Variants in PCDH10 observed in about 807,000 individuals in gnomAD.
The protein encoded by PCDH10 is protocadherin 10.
In PCDH10, 15 loss-of-function variants were observed where a neutral mutation model predicts 74.4. The observed-to-expected ratio is 0.20, with a 90% CI of 0.13 to 0.31. PCDH10 has a LOEUF of 0.31. PCDH10 is among the 10% of genes least tolerant of loss of function. The pLI is 1.00. For synonymous variants in PCDH10, 619 were observed against 589.8 expected, an observed-to-expected ratio of 1.05 and a Z score of -0.72; for missense variants, 1,260 against 1,390.2, an observed-to-expected ratio of 0.91 and a Z score of 1.49.
chr4:133,157,301 A>G (rs1296146985), intron 3 of PCDH10, among the ~76,000 whole-genome samples: 10 of 152,184 alleles, frequency 6.6e-5, no homozygotes, highest in Admixed American at 6.5e-4. Flanking sequence ...AAAACCTCAA[A>G]TGCAGAGAAT....
downstream of PCDH10, among the ~76,000 whole-genome samples, chr4:133,198,047 T>C (rs1727828724): frequency 6.6e-6 from 1 of 150,590 alleles, no homozygotes; most frequent in Non-Finnish European, 1.5e-5. Context: ...AAAGAATACA[T>C]GAAAATAAAA....
At chr4:133,167,898 A>C (rs781098629) in intron 4 of PCDH10, among the ~76,000 whole-genome samples, 3 of 151,442 alleles carry the variant, frequency 2.0e-5, no homozygotes, top group Admixed American at 6.6e-5. Flanking sequence ...AACTCCATGA[A>C]TAGGAAACAA....
intron 3 of PCDH10, among the ~76,000 whole-genome samples, chr4:133,156,495 G>A (rs1266636700): frequency 6.6e-6 from 1 of 152,178 alleles, no homozygotes; most frequent in Admixed American, 6.5e-5. Context: ...GTTTATATGT[G>A]CGTACAAAGT....
In PCDH10 at chr4:133,178,807, CAATT is replaced by C. The variant is rs147071234; in HGVS notation, c.3104-11332_3104-11329del. Among the ~76,000 whole-genome samples, 473 of 152,138 alleles carry C rather than the reference CAATT, an allele frequency of 3.1e-3. 1 individual carries two copies. Among genetic ancestry groups the C allele is most frequent in the African/African-American group, 0.011 (439 of 41,498 alleles). ...CTCTATGAAAGAAGAAACCTAGAAG[CAATT>C]ATTTATTCTAAAAAGTTTCAGTCTC... On this transcript the variant is annotated intron_variant, in intron 4 of 4. Transcript: ENST00000264360.
rs936994371 is a variant in PCDH10, at chr4:133,151,070, G to A, written c.930G>A (p.Leu310=). 1.9e-6 allele frequency: 3 copies of A among 1,614,010 alleles called. No individual in the cohort carries two copies. The African/African-American group carries it at 4.0e-5, about 22-fold the overall frequency. Residue 310 remains leucine, a synonymous_variant, in exon 1 of 5, where the codon CTG becomes CTA. Coordinates refer to ENST00000264360, the MANE Select transcript of PCDH10 (RefSeq NM_032961.3). Reference sequence around the variant, plus strand: ...GACTCTCGCCGCGCACTGGCAGACTGGAGGTAAGCGGCGAGTTGGACTATG... The same window carrying A: ...GACTCTCGCCGCGCACTGGCAGACTAGAGGTAAGCGGCGAGTTGGACTATG... ...LFGLSPRTGR[L]EVSGELDYEE... is the part of the protein sequence containing the mutation.
chr4:133,157,402 T>A (rs1726889813), intron 3 of PCDH10, among the ~76,000 whole-genome samples: 1 of 152,192 alleles, frequency 6.6e-6, no homozygotes, highest in Non-Finnish European at 1.5e-5. Flanking sequence ...TTTCCAAAAA[T>A]TTAAGCCCAT....
chr4:133,184,324 A>G (rs1381654686), intron 4 of PCDH10, among the ~76,000 whole-genome samples: 1 of 152,048 alleles, frequency 6.6e-6, no homozygotes, highest in Non-Finnish European at 1.5e-5. Flanking sequence ...ATGAATTAAA[A>G]TTAAGAACCG....
In PCDH10 at chr4:133,194,183, G is replaced by A. The variant is rs181263360; in HGVS notation, c.*4023G>A. ...GTGCATGCGTGTATTTCTAATCACT[G>A]TTATTTTTTAAGTATTTGTAAAATT... On this transcript the variant is annotated 3_prime_UTR_variant, in exon 5 of 5. Coordinates refer to ENST00000264360, the MANE Select transcript of PCDH10 (RefSeq NM_032961.3). The A allele has an allele frequency of 4.6e-5, 7 of 151,922 alleles. No individual in the cohort carries two copies. Among genetic ancestry groups the A allele is most frequent in the African/African-American group, 1.7e-4 (7 of 41,534 alleles). The allele number at this position is 151,922 out of a possible 1,614,324, so 9.4% of individuals were successfully genotyped here.
downstream of PCDH10, among the ~76,000 whole-genome samples, chr4:133,195,443 G>C (rs1391353210): frequency 6.6e-6 from 1 of 151,946 alleles, no homozygotes; most frequent in East Asian, 1.9e-4. Context: ...ATGATTACAA[G>C]TTGCCTTGCT....
intron 4 of PCDH10, among the ~76,000 whole-genome samples, chr4:133,184,504 TCCCAGCTACTTGGTAG>T (rs1727489986): frequency 6.6e-6 from 1 of 151,428 alleles, no homozygotes; most frequent in South Asian, 2.1e-4. Flanking sequence ...GCAACTGTAA[TCCCAGCTACTTGGTAG>T]TCTGAGACAG....
intron 4 of PCDH10, among the ~76,000 whole-genome samples, chr4:133,166,206 G>A (rs34666297): frequency 0.025 from 3,728 of 151,484 alleles, 143 homozygotes; most frequent in East Asian, 0.17. Flanking sequence ...GGTAGAACAT[G>A]GCCATATATT....
rs115118017 is a variant in PCDH10, at chr4:133,202,282, C to A, written n.438-5794C>A. Among the ~76,000 whole-genome samples, 1,030 of 152,200 alleles carry A rather than the reference C, an allele frequency of 6.8e-3. 15 individuals are homozygous for A. The highest frequency in any genetic ancestry group is 0.023 in the African/African-American group (970 of 41,500). ...GATTTAAACTAATCTATACCTATGG[C>A]AATACCAGGGGTTCTATTTGCCAGT... On this transcript the variant is annotated intron_variant and non_coding_transcript_variant, in intron 2 of 2. Coordinates refer to the PCDH10 transcript ENST00000511112.
At chr4:133,183,910 A>T (rs1349415082) in intron 4 of PCDH10, among the ~76,000 whole-genome samples, 1 of 152,120 alleles carries the variant, frequency 6.6e-6, no homozygotes, top group African/African-American at 2.4e-5. Flanking sequence ...CATTTTATTC[A>T]TTCATTGATG....
chr4:133,202,217 G>A (rs1578583136), intron 2 of PCDH10, among the ~76,000 whole-genome samples: 1 of 152,158 alleles, frequency 6.6e-6, no homozygotes, highest in African/African-American at 2.4e-5. Flanking sequence ...AAAGAAAAGT[G>A]AGGGACCTGT....
intron 3 of PCDH10, among the ~76,000 whole-genome samples, chr4:133,161,502 A>T (rs1726970474): frequency 6.6e-6 from 1 of 151,992 alleles, no homozygotes; most frequent in African/African-American, 2.4e-5. Flanking sequence ...ATATAAATCA[A>T]TATGTAACAG....
intron 4 of PCDH10, among the ~76,000 whole-genome samples, chr4:133,175,093 TA>T (rs1727267173): frequency 6.6e-6 from 1 of 151,984 alleles, no homozygotes; most frequent in South Asian, 2.1e-4. Flanking sequence ...AGATTACCTT[TA>T]TTTTTTTCAA....
At position 133,194,270 on chromosome 4, in the gene PCDH10, A is replaced by G. The variant is rs1368573668; in HGVS notation, c.*4110A>G. ...TGCTTAGTTTGAAGTTTTACTCTCC[A>G]GATGTTTTTGAGTTGCATAAAAATC... is the stretch of plus-strand genomic sequence containing the variant. On this transcript the variant is annotated 3_prime_UTR_variant, in exon 5 of 5. Coordinates refer to ENST00000264360, the MANE Select transcript of PCDH10 (RefSeq NM_032961.3). 1.3e-5 allele frequency: 2 copies of G among 151,892 alleles called. No individual in the cohort carries two copies. Among genetic ancestry groups the G allele is most frequent in the African/African-American group, 4.8e-5 (2 of 41,456 alleles). 9.4% of individuals were successfully genotyped at this position (151,892 alleles called of 1,614,324 possible). A position where few individuals can be genotyped will look rare whatever the true frequency, so the allele number is the denominator to read the frequency against.
At chr4:133,172,019 T>G (rs528251566) in intron 4 of PCDH10, among the ~76,000 whole-genome samples, 1 of 152,168 alleles carries the variant, frequency 6.6e-6, no homozygotes, top group East Asian at 1.9e-4. Flanking sequence ...AGTAATATTT[T>G]AAAATATTTT....
intron 2 of PCDH10, 114 bp from the exon 3 acceptor site, chr4:133,154,803 C>A: frequency 1.4e-6 from 1 of 703,070 alleles, no homozygotes; most frequent in South Asian, 1.8e-5. Context: ...GAAACAAAGC[C>A]AACTAAGAGG....
Sources: allele counts gnomAD v4.1 joint callset (sites outside exome capture counted in the v4.1 genomes callset), GRCh38; gene constraint gnomAD v4.1.1; transcripts MANE v1.5; gene names NCBI Gene and HGNC (gene_info 2026-07-23, HGNC 2026-07-21).